The following NRXN1 variants were observed in gnomAD, a reference collection of about 807,000 sequenced individuals.
The protein encoded by NRXN1 is neurexin-1.
A neutral mutation model predicts 150.9 loss-of-function variants in NRXN1; 39 were observed. The observed-to-expected ratio is 0.26, with a 90% CI of 0.20 to 0.34. NRXN1 has a LOEUF of 0.34. Among genes scored for constraint, NRXN1 ranks in the 10% least tolerant of loss-of-function variants. NRXN1 has a pLI of 1.00. For missense variants in NRXN1, 1,815 were observed against 1,949.9 expected, an observed-to-expected ratio of 0.93 and a Z score of 1.30; for synonymous variants, 924 against 757.0, an observed-to-expected ratio of 1.22 and a Z score of -3.62.
At position 50,279,689 on chromosome 2, in the gene NRXN1, G is replaced by A. The variant is rs1167267179; in HGVS notation, c.3365-42719C>T. Among the ~76,000 whole-genome samples the A allele has an allele frequency of 2.6e-5, 4 of 151,588 alleles. No individual in the cohort carries two copies. In the Admixed American group the frequency reaches 2.6e-4, roughly 10 times the overall value. On this transcript the variant is annotated intron_variant, in intron 17 of 22. Transcript: ENST00000401669. ...AAAGACAGCCACAAAGCTTTAAATA[G>A]TGCTTGTTTATAGACCACTTTGAAA...
intron 18 of NRXN1, among the ~76,000 whole-genome samples, chr2:50,200,656 A>C (rs1023705212): frequency 6.6e-6 from 1 of 152,142 alleles, no homozygotes; most frequent in Non-Finnish European, 1.5e-5. Context: ...ACTTTGTAGC[A>C]ATCTGGAATA....
intron 2 of NRXN1, among the ~76,000 whole-genome samples, chr2:51,016,714 G>A (rs905531935): frequency 2.6e-5 from 4 of 152,242 alleles, no homozygotes; most frequent in Admixed American, 2.0e-4. Flanking sequence ...CAAGGATCTA[G>A]AAACAGAGGT....
intron 5 of NRXN1, among the ~76,000 whole-genome samples, chr2:50,644,006 G>A (rs1372811124): frequency 2.0e-5 from 3 of 151,454 alleles, no homozygotes; most frequent in East Asian, 2.0e-4. Context: ...CAAAGTTGTT[G>A]GTTTTTTTTG....
At chr2:50,648,348 T>A (rs1161104419) in intron 5 of NRXN1, among the ~76,000 whole-genome samples, 1 of 152,038 alleles carries the variant, frequency 6.6e-6, no homozygotes. Flanking sequence ...GAAAATCCCT[T>A]AGTAGTTCTA....
chr2:50,509,071 T>C (rs900716375), intron 12 of NRXN1, among the ~76,000 whole-genome samples: 1 of 152,162 alleles, frequency 6.6e-6, no homozygotes, highest in African/African-American at 2.4e-5. Context: ...CTTTACATTA[T>C]TAATCTGCAG....
chr2:50,052,175 C>G (rs943518633), intron 21 of NRXN1, among the ~76,000 whole-genome samples: 8 of 152,156 alleles, frequency 5.3e-5, no homozygotes, highest in East Asian at 1.9e-4. Flanking sequence ...AAACTGGATG[C>G]AGGTCTGTTT....
chr2:50,605,749 T>C (rs1374534848), intron 8 of NRXN1, among the ~76,000 whole-genome samples: 4 of 151,466 alleles, frequency 2.6e-5, no homozygotes, highest in African/African-American at 9.7e-5. Context: ...CTCAAGAAAA[T>C]AAAAATAGAA....
intron 5 of NRXN1, among the ~76,000 whole-genome samples, chr2:50,828,366 G>A (rs1208638502): frequency 1.3e-5 from 2 of 149,308 alleles, no homozygotes; most frequent in Non-Finnish European, 3.0e-5. Flanking sequence ...GGCCTGGCGG[G>A]GGCTGACCCC....
At chr2:50,373,621 G>C (rs1328443019) in intron 17 of NRXN1, among the ~76,000 whole-genome samples, 1 of 112,780 alleles carries the variant, frequency 8.9e-6, no homozygotes, top group Non-Finnish European at 1.8e-5. Context: ...GAGAGAGAGA[G>C]AAAGAAAAGA....
At chr2:49,977,944 A>G (rs756456243) in intron 21 of NRXN1, among the ~76,000 whole-genome samples, 7 of 152,054 alleles carry the variant, frequency 4.6e-5, no homozygotes, top group African/African-American at 7.2e-5. Context: ...CGAGTGGATC[A>G]CGAGGTCAGG....
rs149697858 is a variant in NRXN1 at position 49,946,620 on chromosome 2, C to T, written c.4129-2829G>A. Among the ~76,000 whole-genome samples the T allele has an allele frequency of 9.4e-4, 143 of 152,230 alleles. 2 individuals carry two copies. Among genetic ancestry groups the T allele is most frequent in the Middle Eastern group, 3.4e-3 (1 of 294 alleles). ...GCATATGTCTAGCCAGTTTTCCCAA[C>T]ACCATTTATTAAATAGGGAATCCTT... On this transcript the variant is annotated intron_variant, in intron 21 of 22. Coordinates refer to ENST00000401669, the MANE Select transcript of NRXN1 (RefSeq NM_001330078.2).
At chr2:50,953,556 ATT>A (rs1338336889) in intron 2 of NRXN1, among the ~76,000 whole-genome samples, 23 of 139,576 alleles carry the variant, frequency 1.6e-4, no homozygotes, top group Admixed American at 3.6e-4. Flanking sequence ...TCAAGTGACA[ATT>A]TTTTTTTTTT....
At chr2:50,647,704 T>A (rs1278658642) in intron 5 of NRXN1, among the ~76,000 whole-genome samples, 1 of 151,984 alleles carries the variant, frequency 6.6e-6, no homozygotes, top group Non-Finnish European at 1.5e-5. Context: ...TATACCAGGA[T>A]GTTCATTACA....
At chr2:50,917,189 C>T (rs921572726) in intron 5 of NRXN1, 1 of 151,532 alleles carries the variant, frequency 6.6e-6, no homozygotes, top group African/African-American at 2.4e-5. Flanking sequence ...CAAACACAGG[C>T]ATTTCAACAG....
intron 22 of NRXN1, among the ~76,000 whole-genome samples, chr2:49,930,920 A>G (rs1670014463): frequency 6.6e-6 from 1 of 152,258 alleles, no homozygotes; most frequent in South Asian, 2.1e-4. Context: ...GGCTGAAGCC[A>G]GGTGTTCAAG....
At chr2:50,198,035 A>G (rs2061890561) in intron 18 of NRXN1, among the ~76,000 whole-genome samples, 1 of 152,068 alleles carries the variant, frequency 6.6e-6, no homozygotes, top group Non-Finnish European at 1.5e-5. Context: ...TCCTTATTCT[A>G]TGTTTAATTG....
chr2:50,301,644 T>C (rs1465328741), intron 17 of NRXN1, among the ~76,000 whole-genome samples: 2 of 152,166 alleles, frequency 1.3e-5, no homozygotes, highest in Non-Finnish European at 2.9e-5. Flanking sequence ...CAACCTTTTA[T>C]GTAGCCAGTT....
intron 18 of NRXN1, among the ~76,000 whole-genome samples, chr2:50,190,613 C>CTTTTTTTTTT (rs11427672): frequency 7.5e-6 from 1 of 132,528 alleles, no homozygotes; most frequent in African/African-American, 2.8e-5. Flanking sequence ...CTTTTTTTTT[C>CTTTTTTTTTT]TTTTTTTTTT....
rs199574697 is a variant in NRXN1, at chr2:50,195,621, TTTGA to T, written c.3546+41164_3546+41167del. ...GACAGCCTTCTCCACTGGCATTGCT[TTTGA>T]TTGTCACTCTCCTCCCTCTTCCCAA... On this transcript the variant is annotated intron_variant, in intron 18 of 22. Transcript: ENST00000401669. 3.0e-4 allele frequency among the ~76,000 whole-genome samples: 45 copies of T among 152,258 alleles called. No homozygotes were observed. The East Asian group carries it at 5.6e-3, about 19-fold the overall frequency.
Sources: allele counts gnomAD v4.1 joint callset (sites outside exome capture counted in the v4.1 genomes callset), GRCh38; gene constraint gnomAD v4.1.1; transcripts MANE v1.5; gene names NCBI Gene and HGNC (gene_info 2026-07-23, HGNC 2026-07-21).